Variants in ARMH1 observed in about 807,000 individuals in gnomAD.
The protein encoded by ARMH1 is armadillo-like helical domain containing protein 1.
ARMH1 carries 34 observed loss-of-function variants against 50.2 expected under a neutral mutation model. The observed-to-expected ratio is 0.68, with a 90% CI of 0.51 to 0.90. The LOEUF is 0.90. Among genes scored for constraint, ARMH1 ranks in the 40% least tolerant of loss-of-function variants. The pLI is 0.00. For synonymous variants in ARMH1, 221 were observed against 224.2 expected, an observed-to-expected ratio of 0.99 and a Z score of 0.13; for missense variants, 538 against 553.9, an observed-to-expected ratio of 0.97 and a Z score of 0.29.
At chr1:44,711,792 C>G (rs181528384) in intron 6 of ARMH1, among the ~76,000 whole-genome samples, 1 of 152,212 alleles carries the variant, frequency 6.6e-6, no homozygotes, top group Admixed American at 6.5e-5. Context: ...TAACTCATAA[C>G]TACTACTAGT....
chr1:44,711,438 A>G (rs1289047806), intron 6 of ARMH1, among the ~76,000 whole-genome samples: 1 of 152,236 alleles, frequency 6.6e-6, no homozygotes, highest in African/African-American at 2.4e-5. Context: ...TGTTGAACAT[A>G]GACGTGTTTC....
intron 5 of ARMH1, among the ~76,000 whole-genome samples, chr1:44,702,379 G>A (rs573339503): frequency 2.6e-4 from 39 of 152,184 alleles, no homozygotes; most frequent in African/African-American, 9.6e-5. Flanking sequence ...CCTCTCCTAC[G>A]TCCTTATTCT....
At chr1:44,709,577 CAGG>C (rs887169130) in intron 6 of ARMH1, among the ~76,000 whole-genome samples, 1 of 151,630 alleles carries the variant, frequency 6.6e-6, no homozygotes, top group Non-Finnish European at 1.5e-5. Context: ...GAGGCTGAGG[CAGG>C]AGAATAGCTT....
intron 6 of ARMH1, among the ~76,000 whole-genome samples, chr1:44,720,087 C>T (rs1647029129): frequency 6.6e-6 from 1 of 150,690 alleles, no homozygotes; most frequent in South Asian, 2.1e-4. Flanking sequence ...ATCCTAGCTA[C>T]TTGGGAGGCT....
chr1:44,702,876 T>C (rs910604583), intron 5 of ARMH1, among the ~76,000 whole-genome samples: 1 of 152,094 alleles, frequency 6.6e-6, no homozygotes, highest in Admixed American at 6.6e-5. Context: ...AATAGAAAGA[T>C]AGTCCCAGCA....
chr1:44,713,362 G>A (rs1208285688), intron 6 of ARMH1, among the ~76,000 whole-genome samples: 1 of 151,998 alleles, frequency 6.6e-6, no homozygotes, highest in Non-Finnish European at 1.5e-5. Flanking sequence ...GGCTCCCAAA[G>A]TGCTGGGATT....
intron 1 of ARMH1, among the ~76,000 whole-genome samples, 171 bp downstream of exon 1, chr1:44,675,044 A>T (rs1294594911): frequency 1.3e-5 from 2 of 152,090 alleles, no homozygotes; most frequent in Admixed American, 6.5e-5. Flanking sequence ...CCCACCGAGG[A>T]GCTGGGAGTG....
chr1:44,713,088 G>A (rs1646688703), intron 6 of ARMH1, among the ~76,000 whole-genome samples: 1 of 147,492 alleles, frequency 6.8e-6, no homozygotes, highest in Admixed American at 6.8e-5. Flanking sequence ...AAGAGCTACT[G>A]CGCCCGGCCT....
intron 2 of ARMH1, among the ~76,000 whole-genome samples, chr1:44,695,050 C>G (rs1216983304): frequency 6.6e-6 from 1 of 152,158 alleles, no homozygotes; most frequent in Non-Finnish European, 1.5e-5. Context: ...ACCGTGCAGA[C>G]CACAGCTCCA....
At chr1:44,718,222 C>G (rs1466271289) in intron 6 of ARMH1, among the ~76,000 whole-genome samples, 1 of 152,224 alleles carries the variant, frequency 6.6e-6, no homozygotes, top group Non-Finnish European at 1.5e-5. Context: ...AGCTCTTGGG[C>G]ACAGGCAGAC....
At position 44,724,798 on chromosome 1, in the gene ARMH1, G is replaced by T; in HGVS notation, c.1087G>T (p.Val363Leu). ...GATGTTCCCCTTGGTGGCGGAGCAC[G>T]TGCGCAAGTGCATGGGGGAGGAACT... The part of the protein sequence containing the change: ...VQMFPLVAEH[V>L]RKCMGEELYQ... The change falls in exon 10 of 12, where the codon GTG becomes TTG. Residue 363 changes from valine (V) to leucine (L), a missense_variant. Val to Leu is a conservative substitution (Grantham distance 32). Coordinates refer to ENST00000535358, the MANE Select transcript of ARMH1 (RefSeq NM_001145636.2). The surrounding 1 kb of genome is among the most constrained non-coding windows in gnomAD (Gnocchi z 6.4). 1 of 1,543,550 alleles carries T rather than the reference G, an allele frequency of 6.5e-7. No individual in the cohort carries two copies.
intron 1 of ARMH1, chr1:44,684,774 G>A (rs1442080135): frequency 2.6e-5 from 4 of 152,220 alleles, no homozygotes; most frequent in African/African-American, 9.7e-5. Flanking sequence ...GCATGAAGAG[G>A]AAGGAAGTTG....
At chr1:44,709,465 G>T (rs1253045955) in intron 6 of ARMH1, among the ~76,000 whole-genome samples, 1 of 152,176 alleles carries the variant, frequency 6.6e-6, no homozygotes, top group Non-Finnish European at 1.5e-5. Context: ...GAGGTCAGGA[G>T]ATCGAGACCA....
chr1:44,689,116 T>G (rs1573317939), intron 1 of ARMH1: 1 of 153,350 alleles, frequency 6.5e-6, no homozygotes, highest in Admixed American at 6.5e-5. Context: ...CAGGCTAGAG[T>G]GCAGTGGCGC....
intron 1 of ARMH1, among the ~76,000 whole-genome samples, chr1:44,675,731 G>A (rs751512089): frequency 2.8e-4 from 42 of 151,746 alleles, no homozygotes; most frequent in Non-Finnish European, 4.4e-4. Context: ...AGGCTGAGGC[G>A]GGCGTATCAC....
At position 44,725,358 on chromosome 1, in the gene ARMH1, G is replaced by C; in HGVS notation, c.1278G>C (p.Met426Ile). ...ATGGCTCGCGCGATTCGGCTCAGAT[G>C]GCCTACCTCACACACTTCGAGGAGG... ...TLYGSRDSAQ[M>I]AYLTHFEEDV... Residue 426 changes from methionine to isoleucine, a missense_variant, in exon 12 of 12, where the codon ATG becomes ATC. Met to Ile is a conservative substitution (Grantham distance 10, BLOSUM62 1). Coordinates refer to ENST00000535358, the MANE Select transcript of ARMH1 (RefSeq NM_001145636.2). 5 of 1,551,724 alleles carry C rather than the reference G, an allele frequency of 3.2e-6. No individual in the cohort carries two copies. The highest frequency in any genetic ancestry group is 4.4e-6 in the Non-Finnish European group (5 of 1,146,994).
intron 6 of ARMH1, among the ~76,000 whole-genome samples, chr1:44,714,910 C>G (rs1031960587): frequency 6.6e-6 from 1 of 151,492 alleles, no homozygotes; most frequent in African/African-American, 2.4e-5. Context: ...GGGGGGGAAA[C>G]AGTTTTACTG....
At position 44,724,824 on chromosome 1, in the gene ARMH1, C is replaced by T. The variant is rs1406876236; in HGVS notation, c.1113C>T (p.Leu371=). 1 of 1,541,632 alleles carries T rather than the reference C, an allele frequency of 6.5e-7. No individual in the cohort carries two copies. Among genetic ancestry groups the T allele is most frequent in the Admixed American group, 2.0e-5 (1 of 50,928 alleles). ...EHVRKCMGEE[L]YQLFLSNAED... ...TGCGCAAGTGCATGGGGGAGGAACTCTACCAGCTCTTCCTGGTAAGTGCGC... is the reference window on the plus strand; with the variant it reads ...TGCGCAAGTGCATGGGGGAGGAACTTTACCAGCTCTTCCTGGTAAGTGCGC... Residue 371 remains leucine (L), a synonymous_variant, in exon 10 of 12, where the codon CTC becomes CTT. Coordinates refer to ENST00000535358, the MANE Select transcript of ARMH1 (RefSeq NM_001145636.2). This position sits in a 1 kb window ranked among gnomAD's most constrained non-coding sequence, Gnocchi z 6.4.
At chr1:44,687,094 T>C (rs559480312) in intron 1 of ARMH1, among the ~76,000 whole-genome samples, 1 of 152,306 alleles carries the variant, frequency 6.6e-6, no homozygotes, top group South Asian at 2.1e-4. Context: ...ATAGACTAGA[T>C]AACTTAAATG....
Sources: gnomAD v4.1 joint callset for allele counts (sites outside exome capture counted in the v4.1 genomes callset) on GRCh38, gnomAD v4.1.1 for gene constraint, Gnocchi (gnomAD v3.1) non-coding constraint, MANE v1.5 for transcripts, NCBI Gene and HGNC (gene_info 2026-07-23, HGNC 2026-07-21) for gene names.